The following KAZN variants were observed in gnomAD, a reference collection of about 807,000 sequenced individuals.
KAZN encodes the protein kazrin.
Under a neutral mutation model 87.4 loss-of-function variants are expected in KAZN, and 40 were observed. The observed-to-expected ratio is 0.46, with a 90% CI of 0.36 to 0.60. The LOEUF (loss-of-function observed/expected upper bound fraction) is 0.60. Ranked by LOEUF, KAZN falls within the 20% of genes least tolerant of loss-of-function variation. The probability of loss-of-function intolerance (pLI) is 0.00; values close to 1 mark genes in which losing one functional copy is unlikely to be tolerated. For missense variants in KAZN, 898 were observed against 1,073.9 expected (o/e 0.84, Z 2.29); for synonymous variants, 466 against 458.3 (o/e 1.02, Z -0.22).
At chr1:14,564,896 T>C (rs1310954411) in intron 2 of KAZN, among the ~76,000 whole-genome samples, 3 of 152,330 alleles carry the variant, frequency 2.0e-5, no homozygotes, top group African/African-American at 7.2e-5. Flanking sequence ...CTACAAGTGA[T>C]TATTTTTGTT....
At chr1:14,348,504 C>T (rs1658281493) in intron 2 of KAZN, among the ~76,000 whole-genome samples, 1 of 152,232 alleles carries the variant, frequency 6.6e-6, no homozygotes, top group Non-Finnish European at 1.5e-5. Context: ...GTGGATTCTC[C>T]AAATGGCTGT....
chr1:13,989,592 A>G (rs1396029782), intron 1 of KAZN, among the ~76,000 whole-genome samples: 2 of 152,156 alleles, frequency 1.3e-5, no homozygotes, highest in Non-Finnish European at 2.9e-5. Context: ...ATTCATTTAT[A>G]TATGCATTTG....
intron 2 of KAZN, among the ~76,000 whole-genome samples, chr1:14,358,359 T>TAA (rs57844400): frequency 9.9e-4 from 147 of 148,808 alleles, no homozygotes; most frequent in Middle Eastern, 3.4e-3. Context: ...GTAAATCTTT[T>TAA]AAAAAAAAAA....
intron 2 of KAZN, among the ~76,000 whole-genome samples, chr1:14,458,508 T>C (rs1369959809): frequency 4.6e-5 from 7 of 152,202 alleles, no homozygotes; most frequent in Non-Finnish European, 8.8e-5. Context: ...GTGGTTATTC[T>C]CGTCTTGTTC....
intron 2 of KAZN, among the ~76,000 whole-genome samples, chr1:14,578,794 GC>G (rs1364034077): frequency 6.6e-6 from 1 of 152,010 alleles, no homozygotes; most frequent in African/African-American, 2.4e-5. Flanking sequence ...TTTTAAATCA[GC>G]TTCTGGTTAC....
At chr1:14,870,379 G>T (rs925326857) in intron 1 of KAZN, among the ~76,000 whole-genome samples, 5 of 152,130 alleles carry the variant, frequency 3.3e-5, no homozygotes. Flanking sequence ...GTTTTGCTCT[G>T]TCGCCCAGGC....
intron 2 of KAZN, among the ~76,000 whole-genome samples, chr1:14,426,829 TC>T (rs1665757686): frequency 6.6e-6 from 1 of 152,190 alleles, no homozygotes; most frequent in African/African-American, 2.4e-5. Context: ...CTGCTTCTGA[TC>T]ACACCAACCC....
At chr1:15,038,268 AAG>A (rs1672536928) in intron 3 of KAZN, among the ~76,000 whole-genome samples, 1 of 150,416 alleles carries the variant, frequency 6.6e-6, no homozygotes, top group Admixed American at 6.6e-5. Flanking sequence ...AAAGAAAAGA[AAG>A]AAAAAAAAAA....
intron 1 of KAZN, among the ~76,000 whole-genome samples, chr1:14,813,928 C>G (rs10733137): frequency 0.39 from 59,821 of 152,026 alleles, 12,540 homozygotes; most frequent in African/African-American, 0.54. Context: ...GTAGGCAGCA[C>G]GTGATCTGCT....
chr1:14,930,124 T>C (rs1468083178), intron 1 of KAZN: 3 of 962,098 alleles, frequency 3.1e-6, no homozygotes, highest in African/African-American at 1.8e-5. Flanking sequence ...GCTGGTGGGC[T>C]CTGGGTGGGG....
intron 2 of KAZN, among the ~76,000 whole-genome samples, chr1:14,186,321 G>A (rs1435753924): frequency 1.3e-5 from 2 of 152,162 alleles, no homozygotes; most frequent in South Asian, 2.1e-4. Context: ...GAAGGTTGGG[G>A]TGAGGATTCG....
At chr1:14,579,852 T>C (rs1675432682) in intron 2 of KAZN, among the ~76,000 whole-genome samples, 1 of 151,952 alleles carries the variant, frequency 6.6e-6, no homozygotes, top group Admixed American at 6.6e-5. Context: ...TCTAATTTAA[T>C]GCAATGTGCT....
In KAZN at chr1:14,960,679, C is replaced by A. The variant is rs376637195; in HGVS notation, c.227-5C>A. 1.9e-6 allele frequency: 3 copies of A among 1,560,056 alleles called. No individual in the cohort carries two copies. The African/African-American group carries it at 4.1e-5, about 21-fold the overall frequency. ...GTCCTCTAACCCTGTGCCCTTCTCC[C>A]CTAGTGCTCCTGCGGGAAGAAGTGT... On this transcript the variant is annotated splice_polypyrimidine_tract_variant and splice_region_variant and intron_variant, in intron 1 of 14. Coordinates refer to ENST00000376030, the MANE Select transcript of KAZN (RefSeq NM_201628.3).
intron 2 of KAZN, among the ~76,000 whole-genome samples, chr1:14,512,373 CT>C (rs1316417822): frequency 6.6e-6 from 1 of 152,104 alleles, no homozygotes; most frequent in East Asian, 1.9e-4. Flanking sequence ...GGCAGCACCC[CT>C]GGCCTCTACC....
At chr1:15,006,630 GC>G (rs1273048980) in intron 2 of KAZN, among the ~76,000 whole-genome samples, 1 of 152,252 alleles carries the variant, frequency 6.6e-6, no homozygotes, top group African/African-American at 2.4e-5. Flanking sequence ...CAGGGATACA[GC>G]AGTTGACAAA....
At chr1:14,560,827 G>A (rs1674209360) in intron 2 of KAZN, among the ~76,000 whole-genome samples, 1 of 152,168 alleles carries the variant, frequency 6.6e-6, no homozygotes, top group South Asian at 2.1e-4. Flanking sequence ...ACTGGATTCG[G>A]CTTTCTGGTT....
chr1:14,888,218 C>G (rs995881698), intron 1 of KAZN, among the ~76,000 whole-genome samples: 2 of 152,210 alleles, frequency 1.3e-5, no homozygotes, highest in African/African-American at 2.4e-5. Flanking sequence ...GGCACAGAGG[C>G]CTCTGCCCAG....
At chr1:15,062,323 G>T (rs1216099804) in intron 6 of KAZN, 4 of 152,676 alleles carry the variant, frequency 2.6e-5, no homozygotes, top group Non-Finnish European at 5.9e-5. Context: ...TTCCTATCCA[G>T]AGTGGAACTA....
At chr1:14,098,031 A>T (rs1035232876) in intron 1 of KAZN, among the ~76,000 whole-genome samples, 1 of 147,534 alleles carries the variant, frequency 6.8e-6, no homozygotes, top group African/African-American at 2.5e-5. Flanking sequence ...GGAAGGTAGG[A>T]TTTTTTTTTT....
Sources: gnomAD v4.1 joint callset for allele counts (sites outside exome capture counted in the v4.1 genomes callset) on GRCh38, gnomAD v4.1.1 for gene constraint, MANE v1.5 for transcripts, NCBI Gene and HGNC (gene_info 2026-07-23, HGNC 2026-07-21) for gene names.